RASA3: variants seen among roughly 807,000 people sequenced by gnomAD.
RASA3 encodes ras GTPase-activating protein 3.
RASA3 carries 73 observed loss-of-function variants against 110.0 expected under a neutral mutation model. The observed-to-expected ratio is 0.66, with a 90% confidence interval of 0.55 to 0.81. The LOEUF is 0.81. Ranked by LOEUF, RASA3 falls within the 30% of genes least tolerant of loss-of-function variation. The probability of loss-of-function intolerance (pLI) is 0.00; values close to 1 mark genes in which losing one functional copy is unlikely to be tolerated. For synonymous variants in RASA3, 500 were observed against 451.4 expected, an observed-to-expected ratio of 1.11 and a Z score of -1.37; for missense variants, 976 against 1,113.2, an observed-to-expected ratio of 0.88 and a Z score of 1.75.
At chr13:114,050,977 G>A (rs1252954609) in intron 3 of RASA3, among the ~76,000 whole-genome samples, 1 of 152,230 alleles carries the variant, frequency 6.6e-6, no homozygotes, top group Non-Finnish European at 1.5e-5. Flanking sequence ...ACAGGTGAGC[G>A]CTGGGGAAAG....
chr13:114,072,222 C>T (rs887109308), intron 2 of RASA3, among the ~76,000 whole-genome samples: 2 of 152,204 alleles, frequency 1.3e-5, no homozygotes, highest in Admixed American at 6.5e-5. Flanking sequence ...CATCCCACCC[C>T]GTGCCATGTC....
intron 1 of RASA3, among the ~76,000 whole-genome samples, chr13:114,081,495 C>A (rs996626586): frequency 6.6e-6 from 1 of 152,148 alleles, no homozygotes; most frequent in Non-Finnish European, 1.5e-5. Flanking sequence ...TACAATGAGC[C>A]GCTGGGGAAA....
rs541590067 is a variant in RASA3, at chr13:114,013,846, ATC to A, written c.1406-600_1406-599del. On this transcript the variant is annotated intron_variant, in intron 14 of 23. Coordinates refer to ENST00000334062, the MANE Select transcript of RASA3 (RefSeq NM_007368.4). ...TTTCTCTCCGTCTGTCTCTCTCTCC[ATC>A]TCTCTGTCTCTCTCCCTGTCTCTCT... Among the ~76,000 whole-genome samples, 393 of 58,062 alleles carry A rather than the reference ATC, an allele frequency of 6.8e-3. 10 individuals carry two copies. The highest frequency in any genetic ancestry group is 6.5e-3 in the Non-Finnish European group (200 of 30,622). The allele number at this position is 58,062 out of a possible 152,430, so 38.1% of individuals were successfully genotyped here.
At position 113,992,480 on chromosome 13, in the gene RASA3, C is replaced by G; in HGVS notation, c.2245+5G>C. 1 of 1,609,470 alleles carries G rather than the reference C, an allele frequency of 6.2e-7. No homozygotes were observed. The highest frequency in any genetic ancestry group is 1.1e-5 in the South Asian group (1 of 90,998). On this transcript the variant is annotated splice_donor_5th_base_variant and intron_variant, in intron 22 of 23. Coordinates refer to ENST00000334062, the MANE Select transcript of RASA3 (RefSeq NM_007368.4). ...TGCACAGATCTGTGTGCCGGGCAGACTCACCCTGCATCTTCTCCAGCTTGC... is the reference window on the plus strand; with the variant it reads ...TGCACAGATCTGTGTGCCGGGCAGAGTCACCCTGCATCTTCTCCAGCTTGC...
chr13:114,078,302 C>G (rs963288197), intron 1 of RASA3, among the ~76,000 whole-genome samples: 1 of 151,312 alleles, frequency 6.6e-6, no homozygotes, highest in Admixed American at 6.6e-5. Flanking sequence ...TGTTCTGTCT[C>G]TCTTAGAGGA....
At chr13:114,009,555 G>A (rs2053587909) in intron 16 of RASA3, 91 bp from the exon 17 acceptor site, 5 of 879,084 alleles carry the variant, frequency 5.7e-6, no homozygotes, top group Admixed American at 2.0e-5. Flanking sequence ...AACTGTCCAA[G>A]CCTAAATGAC....
chr13:113,993,503 T>C (rs1367103361), intron 21 of RASA3, among the ~76,000 whole-genome samples: 1 of 151,804 alleles, frequency 6.6e-6, no homozygotes. Context: ...TCTTACTTTG[T>C]GTTATTATGA....
At chr13:113,991,147 GCGTGGC>G (rs1342870948) in intron 22 of RASA3, among the ~76,000 whole-genome samples, 40 of 96,650 alleles carry the variant, frequency 4.1e-4, no homozygotes, top group Admixed American at 6.9e-4. Context: ...TGGAGATCAG[GCGTGGC>G]CAAGCTCACA....
In RASA3 at chr13:114,062,640, G is replaced by A. The variant is rs1187233394; in HGVS notation, c.174-10485C>T. 2.0e-5 allele frequency among the ~76,000 whole-genome samples: 3 copies of A among 150,522 alleles called. 1 individual carries two copies. The highest frequency in any genetic ancestry group is 3.9e-4 in the East Asian group (2 of 5,116). On this transcript the variant is annotated intron_variant, in intron 2 of 23. Transcript: ENST00000334062. ...GCGTGCTCACAGCCCACGTCCGCATGCAGACTCGGACACGCGTGCTCACAG... is the reference window on the plus strand; with the variant it reads ...GCGTGCTCACAGCCCACGTCCGCATACAGACTCGGACACGCGTGCTCACAG...
At chr13:114,091,817 A>G (rs2079892431) in intron 1 of RASA3, among the ~76,000 whole-genome samples, 1 of 152,050 alleles carries the variant, frequency 6.6e-6, no homozygotes. Context: ...ATGATCCATC[A>G]GGGCCTGGGC....
chr13:113,992,438 G>T (rs375505148), intron 22 of RASA3, 47 bp downstream of exon 22: 2 of 1,506,964 alleles, frequency 1.3e-6, no homozygotes, highest in Non-Finnish European at 1.8e-6. Flanking sequence ...CCGGGGCCTC[G>T]CCAGCCATCC....
At chr13:114,060,053 G>A (rs1012763694) in intron 2 of RASA3, among the ~76,000 whole-genome samples, 1 of 152,258 alleles carries the variant, frequency 6.6e-6, no homozygotes, top group Non-Finnish European at 1.5e-5. Flanking sequence ...AGGAGGACAA[G>A]GGAACGCATG....
chr13:113,998,898 G>C (rs1031900474), intron 20 of RASA3, among the ~76,000 whole-genome samples: 4 of 152,272 alleles, frequency 2.6e-5, no homozygotes, highest in African/African-American at 9.6e-5. Flanking sequence ...GGACTGGACA[G>C]CGGCAAACTC....
intron 2 of RASA3, among the ~76,000 whole-genome samples, chr13:114,055,246 T>C (rs747309244): frequency 2.1e-4 from 32 of 152,256 alleles, no homozygotes; most frequent in Non-Finnish European, 4.3e-4. Flanking sequence ...CATGCGTGCA[T>C]GCATGTGCCC....
chr13:114,053,459 A>C (rs1594393174), intron 2 of RASA3, among the ~76,000 whole-genome samples: 1 of 152,228 alleles, frequency 6.6e-6, no homozygotes, highest in Non-Finnish European at 1.5e-5. Context: ...AAACAAGCCC[A>C]CTTTCATGCA....
intron 1 of RASA3, among the ~76,000 whole-genome samples, chr13:114,078,819 AG>A (rs2079734066): frequency 6.6e-6 from 1 of 152,166 alleles, no homozygotes; most frequent in Non-Finnish European, 1.5e-5. Context: ...TAGGATGCCC[AG>A]GCTTCCCTGG....
At chr13:113,993,798 ACT>A (rs1281762068) in intron 21 of RASA3, among the ~76,000 whole-genome samples, 2 of 124,934 alleles carry the variant, frequency 1.6e-5, no homozygotes, top group Admixed American at 9.0e-5. Context: ...ACAGAGCGAG[ACT>A]CTGCCTAAAA....
rs1368318766 is a variant in RASA3, at chr13:114,056,888, C to A, written c.174-4733G>T. Among the ~76,000 whole-genome samples, 1 of 152,184 alleles carries A rather than the reference C, an allele frequency of 6.6e-6. No individual in the cohort carries two copies. Among genetic ancestry groups the A allele is most frequent in the African/African-American group, 2.4e-5 (1 of 41,446 alleles). ...AGCAAGACCTCCTCCAGCCTCCACC[C>A]AGGAATTTCTCCAGCAATGGCTTTA... is the stretch of plus-strand genomic sequence containing the variant. On this transcript the variant is annotated intron_variant, in intron 2 of 23. Transcript: ENST00000334062. The surrounding 1 kb of genome is among the most constrained non-coding windows in gnomAD (Gnocchi z 5.7).
intron 7 of RASA3, among the ~76,000 whole-genome samples, chr13:114,025,565 CTGGCCTGGTGTGG>C (rs2139356350): frequency 6.6e-6 from 1 of 152,394 alleles, no homozygotes; most frequent in East Asian, 1.9e-4. Context: ...CCCTCCCATG[CTGGCCTGGTGTGG>C]TGGCCTTGGA....
Sources: gnomAD v4.1 joint callset for allele counts (sites outside exome capture counted in the v4.1 genomes callset) on GRCh38, gnomAD v4.1.1 for gene constraint, Gnocchi (gnomAD v3.1) non-coding constraint, MANE v1.5 for transcripts, NCBI Gene and HGNC (gene_info 2026-07-23, HGNC 2026-07-21) for gene names.